CLYBL: variants seen among roughly 807,000 people sequenced by gnomAD.
CLYBL encodes the protein citramalyl-CoA lyase, mitochondrial.
In CLYBL, 31 loss-of-function variants were observed where a neutral mutation model predicts 38.9. The ratio of observed to expected loss-of-function variants is 0.80; its 90% confidence interval spans 0.60 to 1.08. The LOEUF (loss-of-function observed/expected upper bound fraction) is 1.08. Ranked by LOEUF, CLYBL falls within the 50% of genes least tolerant of loss-of-function variation. The pLI, the probability that CLYBL is intolerant of heterozygous loss-of-function variation, is 0.00. For missense variants in CLYBL, 434 were observed against 411.6 expected, an observed-to-expected ratio of 1.05 and a Z score of -0.47; for synonymous variants, 171 against 158.6, an observed-to-expected ratio of 1.08 and a Z score of -0.59.
intron 7 of CLYBL, among the ~76,000 whole-genome samples, chr13:99,878,442 T>A (rs1051736914): frequency 6.6e-6 from 1 of 152,264 alleles, no homozygotes; most frequent in Non-Finnish European, 1.5e-5. Context: ...TGTCAAACAT[T>A]TTTAAATAAA....
At chr13:99,839,260 T>C (rs1017571596) in intron 2 of CLYBL, among the ~76,000 whole-genome samples, 1 of 152,130 alleles carries the variant, frequency 6.6e-6, no homozygotes, top group Non-Finnish European at 1.5e-5. Context: ...ATGTTGAAAG[T>C]GTATCAGAGG....
intron 1 of CLYBL, among the ~76,000 whole-genome samples, chr13:99,648,552 G>C (rs188395262): frequency 6.6e-6 from 1 of 152,036 alleles, no homozygotes; most frequent in Non-Finnish European, 1.5e-5. Flanking sequence ...CTATTTAAAG[G>C]CCCCTTTTTC....
intron 1 of CLYBL, among the ~76,000 whole-genome samples, chr13:99,637,182 A>G (rs2047030008): frequency 6.6e-6 from 1 of 152,132 alleles, no homozygotes; most frequent in Non-Finnish European, 1.5e-5. Context: ...CCTAATTTAA[A>G]CTTTATCTTT....
intron 1 of CLYBL, among the ~76,000 whole-genome samples, chr13:99,757,085 A>C (rs564563149): frequency 1.2e-4 from 19 of 152,062 alleles, no homozygotes; most frequent in African/African-American, 1.9e-4. Flanking sequence ...TGTTTGATAG[A>C]GACAGGGCCT....
Position 99,891,417 on chromosome 13 carries a change from G to C in CLYBL, c.*4G>C. The C allele has an allele frequency of 6.2e-7, 1 of 1,606,780 alleles. No individual in the cohort carries two copies. Among genetic ancestry groups the C allele is most frequent in the South Asian group, 1.1e-5 (1 of 90,948 alleles). ...CACCTCCATCAAGGAAAAATGATCT[G>C]TTAAATGAAGCTGTCATCAGGTGGG... On this transcript the variant is annotated 3_prime_UTR_variant, in exon 8 of 9. Coordinates refer to ENST00000339105, the MANE Select transcript of CLYBL (RefSeq NM_206808.5).
At chr13:99,678,790 A>C (rs887311173) in intron 1 of CLYBL, among the ~76,000 whole-genome samples, 1 of 152,194 alleles carries the variant, frequency 6.6e-6, no homozygotes, top group South Asian at 2.1e-4. Context: ...GAAATATTTC[A>C]GTCTCCTGAC....
At chr13:99,777,131 C>T (rs953672212) in intron 2 of CLYBL, among the ~76,000 whole-genome samples, 2 of 151,668 alleles carry the variant, frequency 1.3e-5, no homozygotes, top group African/African-American at 2.4e-5. Flanking sequence ...TGCCCACCTC[C>T]GCCTCCCAAA....
chr13:99,811,999 T>C (rs964018417), intron 2 of CLYBL, among the ~76,000 whole-genome samples: 3 of 152,206 alleles, frequency 2.0e-5, no homozygotes, highest in Non-Finnish European at 2.9e-5. Context: ...CTGTATCCAC[T>C]ATTCCAAAAT....
chr13:99,664,394 A>G (rs2047450807), intron 1 of CLYBL, among the ~76,000 whole-genome samples: 1 of 152,242 alleles, frequency 6.6e-6, no homozygotes, highest in African/African-American at 2.4e-5. Context: ...GCTGCTTTAG[A>G]AATAATTCAT....
chr13:99,804,630 C>T (rs1195850218), intron 2 of CLYBL, among the ~76,000 whole-genome samples: 1 of 152,090 alleles, frequency 6.6e-6, no homozygotes, highest in Non-Finnish European at 1.5e-5. Flanking sequence ...GTTCCCTTTT[C>T]CCTCATCTTT....
At chr13:99,880,449 T>C (rs772807699) in intron 7 of CLYBL, among the ~76,000 whole-genome samples, 3 of 152,192 alleles carry the variant, frequency 2.0e-5, no homozygotes, top group Admixed American at 6.5e-5. Context: ...AAATTAAGAC[T>C]GGGAAAGGTA....
chr13:99,903,387 C>A (rs2052662189), intron 8 of CLYBL, among the ~76,000 whole-genome samples: 1 of 150,828 alleles, frequency 6.6e-6, no homozygotes, highest in African/African-American at 2.4e-5. Flanking sequence ...CACACGCACG[C>A]ACACTGACAC....
intron 2 of CLYBL, among the ~76,000 whole-genome samples, chr13:99,817,599 G>A (rs1238209520): frequency 6.8e-6 from 1 of 146,784 alleles, no homozygotes; most frequent in Non-Finnish European, 1.5e-5. Flanking sequence ...AGCTTGCAGT[G>A]AGCAGAGACG....
chr13:99,631,451 C>T (rs2139234783), intron 1 of CLYBL, among the ~76,000 whole-genome samples: 1 of 151,464 alleles, frequency 6.6e-6, no homozygotes, highest in African/African-American at 2.4e-5. Context: ...TAATCAAATG[C>T]CCATAAATTG....
At chr13:99,839,597 G>A (rs1330541370) in intron 2 of CLYBL, among the ~76,000 whole-genome samples, 1 of 152,136 alleles carries the variant, frequency 6.6e-6, no homozygotes, top group Non-Finnish European at 1.5e-5. Context: ...GTGTGTGTGT[G>A]ACACACCATT....
rs951637919 is a variant in CLYBL at position 99,804,893 on chromosome 13, G to T, written c.249+31883G>T. 1.6e-4 allele frequency among the ~76,000 whole-genome samples: 24 copies of T among 152,220 alleles called. No homozygotes were observed. In the South Asian group the frequency reaches 1.9e-3, roughly 12 times the overall value. On this transcript the variant is annotated intron_variant, in intron 2 of 8. Transcript: ENST00000339105. Reference sequence around the variant, plus strand: ...AGAACTTTTCATCTTCCCCAGCAGAGACTTTACCATTCAACAATAACTCCC... The same window carrying T: ...AGAACTTTTCATCTTCCCCAGCAGATACTTTACCATTCAACAATAACTCCC...
chr13:99,646,843 T>TA (rs1423376331), intron 1 of CLYBL, among the ~76,000 whole-genome samples: 1 of 152,022 alleles, frequency 6.6e-6, no homozygotes, highest in African/African-American at 2.4e-5. Flanking sequence ...AATCTTAATA[T>TA]AAGGAGCTCG....
rs559370203 is a variant in CLYBL at position 99,693,558 on chromosome 13, G to T, written c.63-79266G>T. On this transcript the variant is annotated intron_variant, in intron 1 of 8. Coordinates refer to ENST00000339105, the MANE Select transcript of CLYBL (RefSeq NM_206808.5). ...GCTGCCTCATCCCCACAACGGCAGTGATGTGACCCACTCTGGTTTATGCAG... is the reference window on the plus strand; with the variant it reads ...GCTGCCTCATCCCCACAACGGCAGTTATGTGACCCACTCTGGTTTATGCAG... 3.9e-5 allele frequency among the ~76,000 whole-genome samples: 6 copies of T among 152,184 alleles called. No homozygotes were observed. In the South Asian group the frequency reaches 1.2e-3, roughly 32 times the overall value.
intron 1 of CLYBL, among the ~76,000 whole-genome samples, chr13:99,655,334 C>T (rs2047314946): frequency 1.3e-5 from 2 of 152,154 alleles, no homozygotes; most frequent in African/African-American, 4.8e-5. Context: ...CCTCGGCCTC[C>T]CAAAGTGCTG....
Sources: allele counts gnomAD v4.1 joint callset (sites outside exome capture counted in the v4.1 genomes callset), GRCh38; gene constraint gnomAD v4.1.1; transcripts MANE v1.5; gene names NCBI Gene and HGNC (gene_info 2026-07-23, HGNC 2026-07-21).